Variants in EEFSEC observed in about 807,000 individuals in gnomAD.
The protein encoded by EEFSEC is selenocysteine-specific elongation factor.
A neutral mutation model predicts 42.1 loss-of-function variants in EEFSEC; 43 were observed. The ratio of observed to expected loss-of-function variants is 1.02; its 90% CI spans 0.80 to 1.32. EEFSEC has a LOEUF of 1.32. Among genes scored for constraint, EEFSEC ranks in the 40% most tolerant of loss-of-function variants. The pLI is 0.00. For missense variants in EEFSEC, 745 were observed against 803.6 expected, an observed-to-expected ratio of 0.93 and a Z score of 0.88; for synonymous variants, 354 against 339.1, an observed-to-expected ratio of 1.04 and a Z score of -0.48.
intron 1 of EEFSEC, among the ~76,000 whole-genome samples, chr3:128,166,831 G>T (rs976588923): frequency 6.6e-6 from 1 of 151,930 alleles, no homozygotes; most frequent in Non-Finnish European, 1.5e-5. Context: ...CCACAGCTGC[G>T]ACCTGAAGAC....
At chr3:128,239,230 C>T (rs2066044882) in intron 1 of EEFSEC, among the ~76,000 whole-genome samples, 1 of 152,164 alleles carries the variant, frequency 6.6e-6, no homozygotes, top group African/African-American at 2.4e-5. Context: ...TCCATGCTGC[C>T]GTTAATACTC....
intron 1 of EEFSEC, among the ~76,000 whole-genome samples, chr3:128,203,866 TG>T (rs1338989435): frequency 1.3e-5 from 2 of 152,228 alleles, no homozygotes; most frequent in Non-Finnish European, 2.9e-5. Flanking sequence ...ATAGGAAACC[TG>T]GTTTTGGAAT....
intron 1 of EEFSEC, among the ~76,000 whole-genome samples, chr3:128,197,809 A>G (rs2065601411): frequency 6.6e-6 from 1 of 152,112 alleles, no homozygotes; most frequent in African/African-American, 2.4e-5. Flanking sequence ...GGTCTGCCCC[A>G]GGTCCCCCGG....
chr3:128,290,878 G>A (rs983359251), intron 4 of EEFSEC, among the ~76,000 whole-genome samples: 4 of 151,924 alleles, frequency 2.6e-5, no homozygotes, highest in Admixed American at 1.3e-4. Flanking sequence ...CCCAAGAAGC[G>A]GGATTACAGG....
At chr3:128,270,816 T>C (rs868056175) in intron 4 of EEFSEC, among the ~76,000 whole-genome samples, 5 of 152,162 alleles carry the variant, frequency 3.3e-5, no homozygotes, top group African/African-American at 9.7e-5. Context: ...ATGCTCACTT[T>C]CCAGCACAGC....
At chr3:128,335,067 A>G (rs1370011691) in intron 4 of EEFSEC, among the ~76,000 whole-genome samples, 3 of 152,216 alleles carry the variant, frequency 2.0e-5, no homozygotes, top group African/African-American at 7.2e-5. Flanking sequence ...GCAGCTGTGA[A>G]TGTGGAGCTT....
At chr3:128,232,245 A>G (rs1164855302) in intron 1 of EEFSEC, among the ~76,000 whole-genome samples, 1 of 152,234 alleles carries the variant, frequency 6.6e-6, no homozygotes, top group African/African-American at 2.4e-5. Flanking sequence ...TGAAATAGAC[A>G]ATATTTCCTG....
intron 4 of EEFSEC, among the ~76,000 whole-genome samples, chr3:128,286,472 C>T (rs1031069843): frequency 3.9e-5 from 6 of 152,232 alleles, no homozygotes; most frequent in African/African-American, 1.4e-4. Context: ...TCAGGCTAGA[C>T]TTTGGATATG....
At chr3:128,358,395 C>T (rs373297982) in intron 6 of EEFSEC, 22 bp downstream of exon 6, 217 of 1,613,094 alleles carry the variant, frequency 1.3e-4, no homozygotes, top group African/African-American at 5.3e-4. Context: ...CACTTCCTCC[C>T]GGTTTAGGGA....
chr3:128,310,839 C>G (rs187367749), intron 4 of EEFSEC, among the ~76,000 whole-genome samples: 2 of 152,350 alleles, frequency 1.3e-5, no homozygotes, highest in African/African-American at 2.4e-5. Flanking sequence ...CTGCCCCACC[C>G]TGCCCACCTG....
At chr3:128,416,178 G>A in the EEFSEC span, among the ~76,000 whole-genome samples, 6,007 of 152,116 alleles carry the variant, frequency 0.039, 378 homozygotes, top group African/African-American at 0.13. Flanking sequence ...GTGGGGGAGG[G>A]GCCCACCGGA....
intron 4 of EEFSEC, among the ~76,000 whole-genome samples, chr3:128,323,179 A>C (rs2108041865): frequency 6.6e-6 from 1 of 152,302 alleles, no homozygotes; most frequent in East Asian, 1.9e-4. Context: ...TCACATACTT[A>C]GTTAGCTAAA....
At chr3:128,399,358 A>G (rs1481602588) in intron 6 of EEFSEC, among the ~76,000 whole-genome samples, 6 of 152,330 alleles carry the variant, frequency 3.9e-5, no homozygotes, top group East Asian at 3.9e-4. Flanking sequence ...CTTCCGCCCA[A>G]TCAAAGGGGT....
chr3:128,298,970 C>G (rs1201305820), intron 4 of EEFSEC, among the ~76,000 whole-genome samples: 2 of 152,216 alleles, frequency 1.3e-5, no homozygotes, highest in Non-Finnish European at 2.9e-5. Context: ...ATTTATCTCT[C>G]AGTGGGTACT....
At chr3:128,160,869 G>A (rs1338707539) in intron 1 of EEFSEC, among the ~76,000 whole-genome samples, 2 of 152,120 alleles carry the variant, frequency 1.3e-5, no homozygotes, top group African/African-American at 4.8e-5. Flanking sequence ...TATCTCCCTT[G>A]ATGCATGTGG....
intron 5 of EEFSEC, among the ~76,000 whole-genome samples, chr3:128,348,802 A>C (rs2067347520): frequency 6.6e-6 from 1 of 152,214 alleles, no homozygotes; most frequent in East Asian, 1.9e-4. Flanking sequence ...TGTCCCCAGG[A>C]GGTTACTTGC....
At chr3:128,232,350 C>T (rs2065967372) in intron 1 of EEFSEC, among the ~76,000 whole-genome samples, 1 of 152,008 alleles carries the variant, frequency 6.6e-6, no homozygotes, top group Admixed American at 6.6e-5. Context: ...GTAGAATAGT[C>T]AGTCTTTTTA....
chr3:128,355,180 A>G (rs1477511023), intron 5 of EEFSEC, among the ~76,000 whole-genome samples: 2 of 152,228 alleles, frequency 1.3e-5, no homozygotes, highest in East Asian at 1.9e-4. Flanking sequence ...GGAGGTGCAC[A>G]GAACCCTTTC....
At chr3:128,356,194 C>T (rs1300324616) in intron 5 of EEFSEC, among the ~76,000 whole-genome samples, 1 of 152,222 alleles carries the variant, frequency 6.6e-6, no homozygotes, top group East Asian at 1.9e-4. Context: ...GAACTTTCTG[C>T]TCTGCTAAGG....
Sources: allele counts gnomAD v4.1 joint callset (sites outside exome capture counted in the v4.1 genomes callset), GRCh38; gene constraint gnomAD v4.1.1; transcripts MANE v1.5; gene names NCBI Gene and HGNC (gene_info 2026-07-23, HGNC 2026-07-21).